The following JAZF1 variants were observed in gnomAD, a reference collection of about 807,000 sequenced individuals.
The protein encoded by JAZF1 is juxtaposed with another zinc finger protein 1.
JAZF1 carries 8 observed loss-of-function variants against 26.4 expected under a neutral mutation model. The observed-to-expected ratio is 0.30, with a 90% CI of 0.18 to 0.55. The LOEUF is 0.55. Among genes scored for constraint, JAZF1 ranks in the 20% least tolerant of loss-of-function variants. JAZF1 has a pLI of 0.94. For synonymous variants in JAZF1, 126 were observed against 122.3 expected (o/e 1.03, Z -0.20); for missense variants, 199 against 322.0 (o/e 0.62, Z 2.92).
At chr7:28,031,330 C>T (rs116993379) in intron 1 of JAZF1, among the ~76,000 whole-genome samples, 11 of 152,196 alleles carry the variant, frequency 7.2e-5, no homozygotes, top group African/African-American at 1.9e-4. Context: ...ACACAGTGAA[C>T]GTTCATATAG....
chr7:28,174,821 G>GGTGTGTGTGTGT (rs58952216), intron 1 of JAZF1, among the ~76,000 whole-genome samples: 3,329 of 107,750 alleles, frequency 0.031, 450 homozygotes, highest in African/African-American at 0.059. Flanking sequence ...GGGGTGTGTG[G>GGTGTGTGTGTGT]GTGTGTGTGT....
At chr7:27,833,196 G>A (rs994642577) in intron 4 of JAZF1, 3 of 334,796 alleles carry the variant, frequency 9.0e-6, no homozygotes, top group Non-Finnish European at 1.6e-5. Context: ...TTTCAGATGT[G>A]CCTCAATTAC....
intron 1 of JAZF1, among the ~76,000 whole-genome samples, chr7:28,106,475 C>G (rs898914032): frequency 1.1e-4 from 16 of 152,146 alleles, no homozygotes; most frequent in African/African-American, 3.9e-4. Flanking sequence ...TAGGGAGACA[C>G]AGGATCTGAC....
At chr7:27,833,172 C>A (rs189165614) in intron 4 of JAZF1, 196 bp from the exon 5 acceptor site, 36 of 363,832 alleles carry the variant, frequency 9.9e-5, no homozygotes, top group African/African-American at 6.9e-4. Context: ...GTCACACACA[C>A]AGCTGACTCA....
At chr7:27,927,248 T>A (rs1267405948) in intron 2 of JAZF1, among the ~76,000 whole-genome samples, 1 of 152,202 alleles carries the variant, frequency 6.6e-6, no homozygotes, top group East Asian at 1.9e-4. Flanking sequence ...GAGTCCCCTG[T>A]GGAGCCCCCA....
chr7:27,914,527 T>C (rs115844944), intron 2 of JAZF1, among the ~76,000 whole-genome samples: 1,563 of 152,238 alleles, frequency 0.01, 31 homozygotes, highest in African/African-American at 0.036. Context: ...GTGGCAACCT[T>C]TTGTTGCCTG....
chr7:27,847,027 T>A (rs1200959504), intron 3 of JAZF1, among the ~76,000 whole-genome samples: 1 of 152,166 alleles, frequency 6.6e-6, no homozygotes, highest in Non-Finnish European at 1.5e-5. Context: ...TGGAGTGCAA[T>A]GGCACGATCT....
chr7:28,094,576 T>C (rs1259813086), intron 1 of JAZF1, among the ~76,000 whole-genome samples: 2 of 152,114 alleles, frequency 1.3e-5, no homozygotes, highest in Non-Finnish European at 2.9e-5. Flanking sequence ...TGTCATCTGC[T>C]GAAAAGCAGC....
chr7:27,962,856 C>T (rs1210171054), intron 2 of JAZF1, among the ~76,000 whole-genome samples: 1 of 152,194 alleles, frequency 6.6e-6, no homozygotes, highest in East Asian at 1.9e-4. Flanking sequence ...TTGGCCCTTG[C>T]TGTGGAATAA....
intron 3 of JAZF1, among the ~76,000 whole-genome samples, chr7:27,859,561 C>G (rs947780981): frequency 2.6e-5 from 4 of 152,184 alleles, no homozygotes; most frequent in African/African-American, 9.7e-5. Flanking sequence ...GAGGTCATGT[C>G]CTTTGCAGGG....
At chr7:28,114,849 A>G (rs1371617201) in intron 1 of JAZF1, among the ~76,000 whole-genome samples, 1 of 151,930 alleles carries the variant, frequency 6.6e-6, no homozygotes, top group Non-Finnish European at 1.5e-5. Context: ...AACGGGGCTT[A>G]TAGATGAGTA....
chr7:28,054,285 G>A (rs1370548718), intron 1 of JAZF1, among the ~76,000 whole-genome samples: 1 of 152,148 alleles, frequency 6.6e-6, no homozygotes, highest in Non-Finnish European at 1.5e-5. Flanking sequence ...AGTTATAGAA[G>A]TTGAAGAGAT....
chr7:27,963,569 C>CTTT (rs36024077), intron 2 of JAZF1, among the ~76,000 whole-genome samples: 1,635 of 132,502 alleles, frequency 0.012, 54 homozygotes, highest in African/African-American at 0.046. Context: ...CCCCCCCCCC[C>CTTT]TTTTTTTTTG....
At chr7:28,124,631 AG>A (rs933475258) in intron 1 of JAZF1, among the ~76,000 whole-genome samples, 1 of 152,232 alleles carries the variant, frequency 6.6e-6, no homozygotes, top group Non-Finnish European at 1.5e-5. Flanking sequence ...TCAGTTCAAA[AG>A]ACCAAAGTGG....
At chr7:28,131,771 T>TCTA (rs1396283346) in intron 1 of JAZF1, among the ~76,000 whole-genome samples, 1 of 152,200 alleles carries the variant, frequency 6.6e-6, no homozygotes, top group African/African-American at 2.4e-5. Context: ...TTTTCTAAGC[T>TCTA]CTAGGTTGGA....
At chr7:27,934,889 A>G (rs151071930) in intron 2 of JAZF1, among the ~76,000 whole-genome samples, 1 of 152,350 alleles carries the variant, frequency 6.6e-6, no homozygotes, top group African/African-American at 2.4e-5. Context: ...AGTGTTGCAA[A>G]TGATATCGTC....
chr7:28,110,856 T>G lies in JAZF1; in HGVS notation c.115+69607A>C, dbSNP rs10275834. Among the ~76,000 whole-genome samples the G allele has an allele frequency of 4.6e-5, 7 of 152,052 alleles. 1 individual carries two copies. In the East Asian group the frequency reaches 1.4e-3, roughly 30 times the overall value. On this transcript the variant is annotated intron_variant, in intron 1 of 4. Transcript: ENST00000283928. ...GTCACCTAAAATCACACTCGCAACC[T>G]GGGAGCCTTGCCTGGGAGGGACTTC...
At chr7:27,937,851 A>T (rs1263355827) in intron 2 of JAZF1, among the ~76,000 whole-genome samples, 1 of 152,238 alleles carries the variant, frequency 6.6e-6, no homozygotes, top group Non-Finnish European at 1.5e-5. Flanking sequence ...TGATACTGTA[A>T]AAAAGGGAAA....
intron 1 of JAZF1, among the ~76,000 whole-genome samples, chr7:28,098,699 G>C (rs1784422685): frequency 2.6e-5 from 4 of 152,190 alleles, no homozygotes; most frequent in African/African-American, 9.7e-5. Flanking sequence ...TCACAACTAA[G>C]CATTTGATGG....
Sources: gnomAD v4.1 joint callset for allele counts (sites outside exome capture counted in the v4.1 genomes callset) on GRCh38, gnomAD v4.1.1 for gene constraint, MANE v1.5 for transcripts, NCBI Gene and HGNC (gene_info 2026-07-23, HGNC 2026-07-21) for gene names.